Variants in DACH1 observed in about 807,000 individuals in gnomAD.
The protein encoded by DACH1 is dachshund family transcription factor 1.
A neutral mutation model predicts 54.2 loss-of-function variants in DACH1; 12 were observed. That is an observed-to-expected ratio of 0.22 (90% CI 0.14 to 0.36). DACH1 has a LOEUF of 0.36. Among genes scored for constraint, DACH1 ranks in the 10% least tolerant of loss-of-function variants. The probability of loss-of-function intolerance (pLI) is 1.00; values close to 1 mark genes in which losing one functional copy is unlikely to be tolerated. For missense variants in DACH1, 805 were observed against 929.8 expected, an observed-to-expected ratio of 0.87 and a Z score of 1.75; for synonymous variants, 386 against 366.2, an observed-to-expected ratio of 1.05 and a Z score of -0.62.
At chr13:71,496,276 T>TAC (rs1879411483) in intron 6 of DACH1, among the ~76,000 whole-genome samples, 1 of 106,206 alleles carries the variant, frequency 9.4e-6, no homozygotes, top group Non-Finnish European at 2.0e-5. Flanking sequence ...TATATATATA[T>TAC]ATATATATAT....
intron 1 of DACH1, among the ~76,000 whole-genome samples, chr13:71,686,465 C>G (rs1036809717): frequency 1.3e-5 from 2 of 152,124 alleles, no homozygotes. Flanking sequence ...CAGTCTCTCT[C>G]CTACAACTGT....
intron 2 of DACH1, among the ~76,000 whole-genome samples, chr13:71,656,538 C>T (rs554223287): frequency 5.7e-4 from 86 of 152,008 alleles, no homozygotes; most frequent in African/African-American, 1.9e-3. Context: ...AATTGGAGCA[C>T]GTTTTGTTGA....
At chr13:71,461,678 T>A (rs1181050174) in intron 10 of DACH1, among the ~76,000 whole-genome samples, 1 of 151,942 alleles carries the variant, frequency 6.6e-6, no homozygotes, top group East Asian at 1.9e-4. Flanking sequence ...TTAGTGAAAT[T>A]TCTCTCCAAA....
intron 2 of DACH1, among the ~76,000 whole-genome samples, chr13:71,674,044 T>C (rs1423534648): frequency 6.6e-6 from 1 of 152,192 alleles, no homozygotes; most frequent in Non-Finnish European, 1.5e-5. Flanking sequence ...CATAATAATT[T>C]CTCTCAGAAA....
intron 1 of DACH1, among the ~76,000 whole-genome samples, chr13:71,836,242 G>A (rs1888778226): frequency 6.6e-6 from 1 of 151,820 alleles, no homozygotes; most frequent in South Asian, 2.1e-4. Flanking sequence ...GGTAGGCTAT[G>A]AAGAATTCTA....
At chr13:71,708,527 T>C (rs563795504) in intron 1 of DACH1, among the ~76,000 whole-genome samples, 1 of 152,160 alleles carries the variant, frequency 6.6e-6, no homozygotes, top group Non-Finnish European at 1.5e-5. Flanking sequence ...TTTTCTGGTG[T>C]TTCCCATATC....
chr13:71,640,416 C>A (rs747100018), intron 2 of DACH1, among the ~76,000 whole-genome samples: 3 of 151,858 alleles, frequency 2.0e-5, no homozygotes, highest in Non-Finnish European at 4.4e-5. Context: ...TGGTGAAATA[C>A]AATATAATTT....
At chr13:71,717,156 A>G (rs1479878675) in intron 1 of DACH1, among the ~76,000 whole-genome samples, 1 of 152,174 alleles carries the variant, frequency 6.6e-6, no homozygotes, top group Non-Finnish European at 1.5e-5. Context: ...AATTCAAAAT[A>G]TAAAATAAAC....
At chr13:71,481,104 C>T (rs1463605716) in intron 7 of DACH1, among the ~76,000 whole-genome samples, 1 of 152,182 alleles carries the variant, frequency 6.6e-6, no homozygotes, top group Non-Finnish European at 1.5e-5. Context: ...TTTTAGATCA[C>T]CCCAATTAAA....
intron 6 of DACH1, among the ~76,000 whole-genome samples, chr13:71,504,272 T>C (rs1481325527): frequency 1.3e-5 from 2 of 152,124 alleles, no homozygotes; most frequent in African/African-American, 4.8e-5. Flanking sequence ...TTAAATTTAA[T>C]TTGAAAAATT....
At chr13:71,792,374 C>T (rs903400449) in intron 1 of DACH1, among the ~76,000 whole-genome samples, 2 of 149,650 alleles carry the variant, frequency 1.3e-5, no homozygotes, top group Non-Finnish European at 3.0e-5. Context: ...ACACACACCC[C>T]TGGAATCCAG....
chr13:71,666,321 G>C (rs1879830746), intron 2 of DACH1, among the ~76,000 whole-genome samples: 1 of 152,094 alleles, frequency 6.6e-6, no homozygotes, highest in Non-Finnish European at 1.5e-5. Context: ...GTACTATGTA[G>C]ATAAGCTCAA....
At chr13:71,499,231 C>A (rs1386225177) in intron 6 of DACH1, among the ~76,000 whole-genome samples, 1 of 151,602 alleles carries the variant, frequency 6.6e-6, no homozygotes, top group Non-Finnish European at 1.5e-5. Flanking sequence ...TATGCAAGAA[C>A]TGGCATAGCT....
chr13:71,851,660 C>A (rs1873676585), intron 1 of DACH1, among the ~76,000 whole-genome samples: 2 of 152,076 alleles, frequency 1.3e-5, no homozygotes, highest in South Asian at 4.1e-4. Context: ...CATGCCAAGT[C>A]CTGTCTTACT....
At chr13:71,652,692 T>C (rs1199497729) in intron 2 of DACH1, among the ~76,000 whole-genome samples, 1 of 152,134 alleles carries the variant, frequency 6.6e-6, no homozygotes, top group Admixed American at 6.5e-5. Context: ...ACCTTCTAAA[T>C]TTTGCAGATA....
intron 3 of DACH1, among the ~76,000 whole-genome samples, chr13:71,587,076 T>C (rs527335015): frequency 6.6e-6 from 1 of 152,260 alleles, no homozygotes; most frequent in South Asian, 2.1e-4. Flanking sequence ...AAATGTCATT[T>C]CTTTCCATAG....
At position 71,866,337 on chromosome 13, in the gene DACH1, T is replaced by A; in HGVS notation, c.433A>T (p.Ser145Cys). The change falls in exon 1 of 11, where the codon AGT becomes TGT. Residue 145 changes from serine (S) to cysteine (C), a missense_variant. Physicochemically the swap from Ser to Cys is moderately radical, Grantham distance 112. Around this residue, in one of 3 missense-constraint regions of DACH1, gnomAD observed 305 missense variants for 308.7 expected, o/e 0.99. Transcript: ENST00000613252. The part of the protein sequence containing the change: ...NASTGSSSSS[S>C]SSSSSSSSSS... ...CTGCTGCTGCTGCTGCTGCTGCTAC[T>A]GCTGCTGCTGCTGCTGCCGGTGCTG... 7.2e-7 allele frequency: 1 copy of A among 1,387,276 alleles called. No individual in the cohort carries two copies. Among genetic ancestry groups the A allele is most frequent in the Non-Finnish European group, 9.7e-7 (1 of 1,027,664 alleles). 85.9% of individuals were successfully genotyped at this position (1,387,276 alleles called of 1,614,324 possible).
intron 1 of DACH1, among the ~76,000 whole-genome samples, chr13:71,742,518 A>G (rs931001406): frequency 2.6e-5 from 4 of 152,124 alleles, no homozygotes; most frequent in Non-Finnish European, 5.9e-5. Flanking sequence ...AAATTTATTC[A>G]TATTTACTCC....
intron 1 of DACH1, among the ~76,000 whole-genome samples, chr13:71,705,384 A>G (rs975381102): frequency 1.3e-5 from 2 of 151,380 alleles, no homozygotes; most frequent in Non-Finnish European, 2.9e-5. Context: ...CAACTCTCTC[A>G]GCACATTGGG....
Sources: gnomAD v4.1 joint callset for allele counts (sites outside exome capture counted in the v4.1 genomes callset) on GRCh38, gnomAD v4.1.1 for gene constraint, gnomAD v4.1.1 regional missense constraint, MANE v1.5 for transcripts, NCBI Gene and HGNC (gene_info 2026-07-23, HGNC 2026-07-21) for gene names.